Variants in CLASRP observed in about 807,000 individuals in gnomAD.
The protein encoded by CLASRP is CLK4 associating serine/arginine rich protein.
A neutral mutation model predicts 99.9 loss-of-function variants in CLASRP; 52 were observed. The observed-to-expected ratio is 0.52, with a 90% CI of 0.42 to 0.66. The LOEUF is 0.66. Among genes scored for constraint, CLASRP ranks in the 30% least tolerant of loss-of-function variants. The probability of loss-of-function intolerance (pLI) is 0.00; values close to 1 mark genes in which losing one functional copy is unlikely to be tolerated. For missense variants in CLASRP, 848 were observed against 999.2 expected, an observed-to-expected ratio of 0.85 and a Z score of 2.04; for synonymous variants, 379 against 373.0, an observed-to-expected ratio of 1.02 and a Z score of -0.18.
chr19:45,064,479 C>G lies in CLASRP; in HGVS notation c.1258C>G (p.Arg420Gly), dbSNP rs766193082. 1.5e-5 allele frequency: 23 copies of G among 1,528,816 alleles called. No homozygotes were observed. The highest frequency in any genetic ancestry group is 1.9e-5 in the Non-Finnish European group (22 of 1,140,448). 94.7% of individuals were successfully genotyped at this position (1,528,816 alleles called of 1,614,324 possible). Residue 420 changes from arginine to glycine, a missense_variant, in exon 13 of 21, where the codon CGC becomes GGC. Arg to Gly is a moderately radical substitution (Grantham distance 125). Transcript: ENST00000221455. ...RSGRHARSRS[R>G]SWSRSRSRSR... ...CGGCCGCCACGCCCGCTCCCGGTCCCGCTCCTGGTCCCGCTCCCGCTCCCG... is the reference window on the plus strand; with the variant it reads ...CGGCCGCCACGCCCGCTCCCGGTCCGGCTCCTGGTCCCGCTCCCGCTCCCG...
rs549600112 is a variant in CLASRP, at chr19:45,057,094, T to C, written c.464+560T>C. 1.4e-3 allele frequency among the ~76,000 whole-genome samples: 206 copies of C among 152,172 alleles called. 1 individual carries two copies. The highest frequency in any genetic ancestry group is 4.7e-3 in the African/African-American group (193 of 41,496). ...TGGCCGAGCAGTCTCACTTCTCTCT[T>C]CTCCACCTCAGTCTGATGAGTGCAG... On this transcript the variant is annotated intron_variant, in intron 6 of 20. Transcript: ENST00000221455.
intron 13 of CLASRP, 48 bp downstream of exon 13, chr19:45,064,678 C>G: frequency 6.7e-7 from 1 of 1,494,856 alleles, no homozygotes; most frequent in East Asian, 2.4e-5. Flanking sequence ...GGGGCGCGGT[C>G]TCCGATCCTG....
At chr19:45,050,546 T>C (rs150621305) in intron 2 of CLASRP, among the ~76,000 whole-genome samples, 2,300 of 152,030 alleles carry the variant, frequency 0.015, 34 homozygotes, top group Middle Eastern at 0.062. Context: ...TAGCTGGGCA[T>C]GGTGGCGCAT....
Position 45,068,071 on chromosome 19 carries a change from A to G in CLASRP, c.1707+17A>G. ...GCTGCCAAAGTCAGTAAGAATTTGG[A>G]ACTCGCCCGTCTAATTCCCGTCAGC... On this transcript the variant is annotated intron_variant, in intron 15 of 20. Transcript: ENST00000221455. The G allele has an allele frequency of 6.2e-7, 1 of 1,613,040 alleles. No individual in the cohort carries two copies. The highest frequency in any genetic ancestry group is 8.5e-7 in the Non-Finnish European group (1 of 1,179,074).
At chr19:45,058,071 C>G in intron 7 of CLASRP, 173 bp downstream of exon 7, 3 of 734,156 alleles carry the variant, frequency 4.1e-6, no homozygotes, top group Admixed American at 2.8e-5. Flanking sequence ...CTCCTCCGTT[C>G]CGGCCTTCCT....
At chr19:45,043,239 C>T (rs1389832771) in intron 2 of CLASRP, among the ~76,000 whole-genome samples, 9 of 85,326 alleles carry the variant, frequency 1.1e-4, no homozygotes, top group African/African-American at 2.3e-4. Flanking sequence ...GTGTGTGTCC[C>T]GTCTCTACTA....
chr19:45,064,674 C>T, intron 13 of CLASRP, 44 bp downstream of exon 13: 1 of 1,499,902 alleles, frequency 6.7e-7, no homozygotes, highest in Non-Finnish European at 8.9e-7. Flanking sequence ...TGGGGGGGCG[C>T]GGTCTCCGAT....
At chr19:45,041,534 A>G (rs1971814104) in intron 2 of CLASRP, among the ~76,000 whole-genome samples, 1 of 152,140 alleles carries the variant, frequency 6.6e-6, no homozygotes, top group Non-Finnish European at 1.5e-5. Context: ...CTGTCAGATG[A>G]CATTTATATA....
Position 45,055,497 on chromosome 19 carries a change from C to A in CLASRP, c.380-953C>A, listed in dbSNP as rs183279113. On this transcript the variant is annotated intron_variant, in intron 5 of 20. Coordinates refer to ENST00000221455, the MANE Select transcript of CLASRP (RefSeq NM_007056.3). ...AGAACAAGGAAGGGCCGTGCTACAT[C>A]CCCTTCTGGCCTGCCAGCCTGCCCA... is the stretch of plus-strand genomic sequence containing the variant. Among the ~76,000 whole-genome samples the A allele has an allele frequency of 3.7e-3, 564 of 152,320 alleles. 2 individuals are homozygous for A. The highest frequency in any genetic ancestry group is 0.013 in the African/African-American group (536 of 41,570).
chr19:45,063,170 T>C (rs1197671878), intron 11 of CLASRP, among the ~76,000 whole-genome samples: 1 of 148,724 alleles, frequency 6.7e-6, no homozygotes, highest in East Asian at 1.9e-4. Context: ...AACACGTTTG[T>C]TTTTTTTTTC....
intron 13 of CLASRP, among the ~76,000 whole-genome samples, chr19:45,065,802 T>C (rs1170357399): frequency 2.0e-5 from 3 of 152,156 alleles, no homozygotes; most frequent in Non-Finnish European, 4.4e-5. Context: ...ATCGCGGTAA[T>C]AGCATCCGCT....
At chr19:45,048,023 C>T (rs1261003804) in intron 2 of CLASRP, among the ~76,000 whole-genome samples, 1 of 151,252 alleles carries the variant, frequency 6.6e-6, no homozygotes, top group Non-Finnish European at 1.5e-5. Flanking sequence ...TGCAGTGAGC[C>T]GAGATCATGC....
intron 19 of CLASRP, among the ~76,000 whole-genome samples, 196 bp from the exon 20 acceptor site, chr19:45,070,341 T>A (rs958123166): frequency 3.3e-5 from 5 of 151,922 alleles, no homozygotes; most frequent in Admixed American, 1.3e-4. Flanking sequence ...AGTCACAAGG[T>A]GATTGCAGCA....
Position 45,070,858 on chromosome 19 carries a change from G to C in CLASRP, c.*13G>C. On this transcript the variant is annotated 3_prime_UTR_variant, in exon 21 of 21. Transcript: ENST00000221455. ...TTACCGACATTAGGCAGAAGAGTGG[G>C]GGGTGGGGAGGACAAGGGGGTGGGT... 1 of 1,542,028 alleles carries C rather than the reference G, an allele frequency of 6.5e-7. No individual in the cohort carries two copies. Among genetic ancestry groups the C allele is most frequent in the East Asian group, 2.3e-5 (1 of 44,428 alleles).
chr19:45,063,622 G>T (rs1016797113), intron 11 of CLASRP, among the ~76,000 whole-genome samples: 34 of 150,678 alleles, frequency 2.3e-4, no homozygotes, highest in Non-Finnish European at 1.3e-4. Context: ...AATTTTTTTT[G>T]TATTTTTTGT....
At chr19:45,040,034 G>T (rs1402574084) in intron 1 of CLASRP, 150 bp from the exon 2 acceptor site, 4 of 524,180 alleles carry the variant, frequency 7.6e-6, no homozygotes, top group Non-Finnish European at 1.4e-5. Flanking sequence ...TGAACATCTG[G>T]CATACTGTTC....
chr19:45,053,031 C>T, intron 4 of CLASRP, 67 bp from the exon 5 acceptor site: 6 of 1,591,158 alleles, frequency 3.8e-6, no homozygotes, highest in Non-Finnish European at 5.2e-6. Flanking sequence ...CCTCATTTCC[C>T]TTCCTGCTGG....
intron 5 of CLASRP, among the ~76,000 whole-genome samples, chr19:45,055,710 G>A (rs1184478393): frequency 6.6e-6 from 1 of 152,200 alleles, no homozygotes; most frequent in Non-Finnish European, 1.5e-5. Flanking sequence ...GCGCCTGCCT[G>A]TAATCCCAGC....
chr19:45,057,727 G>C (rs1238263730), intron 6 of CLASRP, 23 bp from the exon 7 acceptor site: 21 of 1,613,390 alleles, frequency 1.3e-5, no homozygotes, highest in Non-Finnish European at 1.7e-5. Flanking sequence ...CACGGCCCTG[G>C]CTTACCAGCT....
Sources: allele counts gnomAD v4.1 joint callset (sites outside exome capture counted in the v4.1 genomes callset), GRCh38; gene constraint gnomAD v4.1.1; transcripts MANE v1.5; gene names NCBI Gene and HGNC (gene_info 2026-07-23, HGNC 2026-07-21).